GTF2F2: variants seen among roughly 807,000 people sequenced by gnomAD.
The protein encoded by GTF2F2 is general transcription factor IIF subunit 2, also known as ATP-dependent helicase GTF2F2.
GTF2F2 carries 23 observed loss-of-function variants against 42.2 expected under a neutral mutation model. The observed-to-expected ratio is 0.55, with a 90% confidence interval of 0.39 to 0.77. The LOEUF (loss-of-function observed/expected upper bound fraction) is 0.77. Among genes scored for constraint, GTF2F2 ranks in the 30% least tolerant of loss-of-function variants. The probability of loss-of-function intolerance (pLI) is 0.00; values close to 1 mark genes in which losing one functional copy is unlikely to be tolerated. For missense variants in GTF2F2, 261 were observed against 287.2 expected (o/e 0.91, Z 0.66); for synonymous variants, 105 against 100.8 (o/e 1.04, Z -0.25).
intron 5 of GTF2F2, among the ~76,000 whole-genome samples, chr13:45,235,521 G>T (rs1593508495): frequency 6.6e-6 from 1 of 150,590 alleles, no homozygotes; most frequent in South Asian, 2.1e-4. Context: ...AAATGCTAAT[G>T]AAATTAGCAA....
intron 4 of GTF2F2, among the ~76,000 whole-genome samples, chr13:45,163,301 C>T (rs1871122313): frequency 6.6e-6 from 1 of 152,042 alleles, no homozygotes; most frequent in Non-Finnish European, 1.5e-5. Context: ...TAAAACCAAA[C>T]CTAACTTAGT....
At chr13:45,132,943 G>A (rs1303267671) in intron 1 of GTF2F2, among the ~76,000 whole-genome samples, 1 of 152,188 alleles carries the variant, frequency 6.6e-6, no homozygotes, top group Non-Finnish European at 1.5e-5. Flanking sequence ...GGGCTCACTT[G>A]ATGTTTGTAA....
intron 1 of GTF2F2, among the ~76,000 whole-genome samples, chr13:45,130,624 T>C (rs1055030819): frequency 7.2e-5 from 11 of 152,108 alleles, no homozygotes; most frequent in African/African-American, 2.7e-4. Flanking sequence ...TCTGAAGATA[T>C]TGACAGGATG....
chr13:45,189,476 A>G (rs777530754), intron 4 of GTF2F2, among the ~76,000 whole-genome samples: 2 of 152,254 alleles, frequency 1.3e-5, no homozygotes, highest in African/African-American at 2.4e-5. Context: ...AGGAATCACC[A>G]CACTGTCTTC....
At position 45,267,352 on chromosome 13, in the gene GTF2F2, G is replaced by C. The variant is rs752203980; in HGVS notation, c.606G>C (p.Leu202Phe). The C allele has an allele frequency of 1.2e-6, 2 of 1,609,410 alleles. No homozygotes were observed. Among genetic ancestry groups the C allele is most frequent in the Non-Finnish European group, 1.7e-6 (2 of 1,176,818 alleles). Residue 202 changes from leucine to phenylalanine, a missense_variant, in exon 7 of 8, where the codon TTG becomes TTC. Coordinates refer to ENST00000340473, the MANE Select transcript of GTF2F2 (RefSeq NM_004128.3). ...EKHQYYNLKD[L>F]VDITKQPVVY... Reference sequence around the variant, plus strand: ...ATCAATACTATAATCTTAAGGACTTGGTGGACATCACAAAGCAACCTGTGG... The same window carrying C: ...ATCAATACTATAATCTTAAGGACTTCGTGGACATCACAAAGCAACCTGTGG...
chr13:45,191,094 G>A (rs1396205872), intron 4 of GTF2F2, among the ~76,000 whole-genome samples: 1 of 150,388 alleles, frequency 6.6e-6, no homozygotes, highest in Non-Finnish European at 1.5e-5. Flanking sequence ...AAAGCCGGCC[G>A]GGCGCAGTGG....
At chr13:45,142,743 C>G (rs1353374608) in intron 2 of GTF2F2, among the ~76,000 whole-genome samples, 1 of 152,166 alleles carries the variant, frequency 6.6e-6, no homozygotes, top group African/African-American at 2.4e-5. Context: ...TCCAGGCTGT[C>G]TTGTTTACTT....
At chr13:45,245,915 T>C (rs1393416548) in intron 5 of GTF2F2, among the ~76,000 whole-genome samples, 2 of 134,874 alleles carry the variant, frequency 1.5e-5, no homozygotes, top group South Asian at 2.5e-4. Context: ...CACTCCAGCC[T>C]GGGCGACTAG....
At chr13:45,192,196 A>C (rs1355005258) in intron 4 of GTF2F2, among the ~76,000 whole-genome samples, 2 of 152,156 alleles carry the variant, frequency 1.3e-5, no homozygotes, top group Non-Finnish European at 2.9e-5. Flanking sequence ...GTAAAAGATA[A>C]TGTTTTAGTA....
intron 5 of GTF2F2, among the ~76,000 whole-genome samples, chr13:45,225,891 T>C (rs1314561313): frequency 6.6e-6 from 1 of 152,208 alleles, no homozygotes; most frequent in East Asian, 1.9e-4. Context: ...TCATTGTTTG[T>C]TACAGGAAGT....
At chr13:45,238,313 T>C (rs972963918) in intron 5 of GTF2F2, among the ~76,000 whole-genome samples, 1 of 152,190 alleles carries the variant, frequency 6.6e-6, no homozygotes, top group African/African-American at 2.4e-5. Context: ...CATTGGAGTT[T>C]AAGGTGATTT....
chr13:45,266,466 A>C (rs1439642783), intron 6 of GTF2F2, among the ~76,000 whole-genome samples: 1 of 152,006 alleles, frequency 6.6e-6, no homozygotes, highest in Non-Finnish European at 1.5e-5. Context: ...CAAACTTTTC[A>C]CTCCGTAAAG....
At chr13:45,142,813 G>A (rs1283132731) in intron 2 of GTF2F2, among the ~76,000 whole-genome samples, 1 of 152,200 alleles carries the variant, frequency 6.6e-6, no homozygotes, top group Non-Finnish European at 1.5e-5. Flanking sequence ...TGTTAAACAA[G>A]TGTAGGATGG....
chr13:45,207,377 G>C, intron 4 of GTF2F2, 47 bp from the exon 5 acceptor site: 1 of 1,138,538 alleles, frequency 8.8e-7, no homozygotes, highest in Non-Finnish European at 1.3e-6. Context: ...ATACAGTCTT[G>C]AAAATGATAA....
chr13:45,198,217 A>T (rs1225411218), intron 4 of GTF2F2, among the ~76,000 whole-genome samples: 3 of 152,220 alleles, frequency 2.0e-5, no homozygotes, highest in African/African-American at 7.2e-5. Context: ...ATAAGGCAGA[A>T]CTCATTCCAG....
chr13:45,185,211 C>G (rs1593477916), intron 4 of GTF2F2, among the ~76,000 whole-genome samples: 3 of 152,094 alleles, frequency 2.0e-5, no homozygotes, highest in Non-Finnish European at 4.4e-5. Context: ...ATTTGAAGCT[C>G]CTTTTTCTTC....
At chr13:45,126,078 A>C (rs1373284175) in intron 1 of GTF2F2, among the ~76,000 whole-genome samples, 2 of 152,062 alleles carry the variant, frequency 1.3e-5, no homozygotes, top group Admixed American at 1.3e-4. Flanking sequence ...TGTGGGAATA[A>C]TGCCCTCAGT....
At chr13:45,177,755 G>A (rs879405800) in intron 4 of GTF2F2, among the ~76,000 whole-genome samples, 4 of 152,068 alleles carry the variant, frequency 2.6e-5, no homozygotes, top group Admixed American at 6.6e-5. Context: ...TATATGTTGA[G>A]GTTGCTAAGA....
intron 4 of GTF2F2, among the ~76,000 whole-genome samples, chr13:45,186,381 T>A (rs1040283818): frequency 6.6e-6 from 1 of 150,480 alleles, no homozygotes; most frequent in South Asian, 2.1e-4. Flanking sequence ...AACCTCCACC[T>A]CCTAGGTTCA....
Sources: gnomAD v4.1 joint callset for allele counts (sites outside exome capture counted in the v4.1 genomes callset) on GRCh38, gnomAD v4.1.1 for gene constraint, MANE v1.5 for transcripts, NCBI Gene and HGNC (gene_info 2026-07-23, HGNC 2026-07-21) for gene names.